SMARCA4: variants seen among roughly 807,000 people sequenced by gnomAD.
SMARCA4 encodes SWI/SNF related BAF chromatin remodeling complex subunit ATPase 4, also known as SWI/SNF-related matrix-associated actin-dependent regulator of chromatin subfamily A member 4.
Under a neutral mutation model 193.9 loss-of-function variants are expected in SMARCA4, and 31 were observed. The ratio of observed to expected loss-of-function variants is 0.16; its 90% CI spans 0.12 to 0.22. The LOEUF (loss-of-function observed/expected upper bound fraction) is 0.22. SMARCA4 is among the 10% of genes least tolerant of loss of function. The probability of loss-of-function intolerance (pLI) is 1.00; values close to 1 mark genes in which losing one functional copy is unlikely to be tolerated. For synonymous variants in SMARCA4, 942 were observed against 933.1 expected, an observed-to-expected ratio of 1.01 and a Z score of -0.17; for missense variants, 1,148 against 2,296.0, an observed-to-expected ratio of 0.50 and a Z score of 10.22.
intron 11 of SMARCA4, among the ~76,000 whole-genome samples, chr19:10,998,308 G>A (rs1294351408): frequency 6.6e-6 from 1 of 152,186 alleles, no homozygotes; most frequent in Non-Finnish European, 1.5e-5. Flanking sequence ...CTCTCAGGGT[G>A]TCATATCGAG....
At chr19:10,964,882 A>G (rs554633577) in intron 1 of SMARCA4, among the ~76,000 whole-genome samples, 1 of 151,986 alleles carries the variant, frequency 6.6e-6, no homozygotes, top group East Asian at 1.9e-4. Flanking sequence ...CGGCCTCCCA[A>G]AGTGTTGGGA....
chr19:11,043,866 G>C (rs544142089), intron 30 of SMARCA4, among the ~76,000 whole-genome samples: 12 of 152,128 alleles, frequency 7.9e-5, no homozygotes, highest in African/African-American at 2.4e-4. Flanking sequence ...TGAGCTCCCA[G>C]CTCGGGAGGC....
At chr19:11,023,391 C>A in intron 19 of SMARCA4, 127 bp from the exon 20 acceptor site, 1 of 702,960 alleles carries the variant, frequency 1.4e-6, no homozygotes, top group Non-Finnish European at 2.6e-6. Flanking sequence ...TGAAAAGCCA[C>A]GTGCCAAGGG....
rs546344913 is a variant in SMARCA4 at position 11,035,276 on chromosome 19, A to T, written c.4170+144A>T. On this transcript the variant is annotated intron_variant, in intron 29 of 34. Coordinates refer to ENST00000344626, the MANE Select transcript of SMARCA4 (RefSeq NM_003072.5). ...TGGCCAGGCTCCGCAGGCAGCCGAG[A>T]GCCTTCCGATGTGGGCCAGGGATGG... 33 of 807,424 alleles carry T rather than the reference A, an allele frequency of 4.1e-5. No individual in the cohort carries two copies. In the East Asian group the frequency reaches 8.8e-4, roughly 22 times the overall value. The allele number at this position is 807,424 out of a possible 1,614,324, so 50.0% of individuals were successfully genotyped here. A position where few individuals can be genotyped will look rare whatever the true frequency, so the allele number is the denominator to read the frequency against.
rs772658698 is a variant in SMARCA4 at position 10,984,220 on chromosome 19, C to T, written c.69C>T (p.Ser23=). 1.4e-5 allele frequency: 23 copies of T among 1,612,460 alleles called. No homozygotes were observed. Among genetic ancestry groups the T allele is most frequent in the African/African-American group, 2.7e-5 (2 of 74,916 alleles). The part of the protein sequence containing the change: ...RPGPSPGPGP[S]PGAMLGPSPG... ...GTCCTTCCCCGGGCCCTGGCCCTTC[C>T]CCTGGAGCCATGCTGGGCCCTAGCC... The change falls in exon 2 of 35, where the codon TCC becomes TCT. Residue 23 remains serine, a synonymous_variant. Transcript: ENST00000344626. The surrounding 1 kb of genome is among the most constrained non-coding windows in gnomAD (Gnocchi z 4.3).
At chr19:10,965,982 T>TC (rs2084186112) in intron 1 of SMARCA4, among the ~76,000 whole-genome samples, 1 of 140,034 alleles carries the variant, frequency 7.1e-6, no homozygotes, top group African/African-American at 2.7e-5. Flanking sequence ...TTTTTTTTTT[T>TC]TTTTTTTTTT....
chr19:11,021,614 C>A (rs752232350), intron 18 of SMARCA4, 111 bp from the exon 19 acceptor site: 20 of 1,360,850 alleles, frequency 1.5e-5, no homozygotes, highest in Non-Finnish European at 1.8e-5. Context: ...CACCCAGCTG[C>A]GCTCTTCCAC....
intron 13 of SMARCA4, 58 bp downstream of exon 13, chr19:11,003,455 C>T (rs1173684896): frequency 6.8e-7 from 1 of 1,470,602 alleles, no homozygotes; most frequent in Non-Finnish European, 9.5e-7. Flanking sequence ...GTGACTTCCA[C>T]CCTGTGTGTT....
At position 10,984,055 on chromosome 19, in the gene SMARCA4, C is replaced by T. The variant is rs1208459562; in HGVS notation, c.-31-66C>T. The T allele has an allele frequency of 2.0e-5, 25 of 1,244,202 alleles. No homozygotes were observed. Among genetic ancestry groups the T allele is most frequent in the Non-Finnish European group, 2.9e-5 (25 of 853,470 alleles). The allele number at this position is 1,244,202 out of a possible 1,614,324, so 77.1% of individuals were successfully genotyped here. On this transcript the variant is annotated intron_variant, in intron 1 of 34. Transcript: ENST00000344626. The surrounding 1 kb of genome is among the most constrained non-coding windows in gnomAD (Gnocchi z 4.3). ...ATTCTGATGTGACCGTATGATTGTCCCTTGCTATCCCTGTCCTGCCTCGCC... is the reference window on the plus strand; with the variant it reads ...ATTCTGATGTGACCGTATGATTGTCTCTTGCTATCCCTGTCCTGCCTCGCC...
At chr19:11,040,610 AT>A (rs2075549697) in intron 29 of SMARCA4, 1 of 138,874 alleles carries the variant, frequency 7.2e-6, no homozygotes, top group South Asian at 2.4e-4. Flanking sequence ...AAAAAAAAAA[AT>A]CTTAAAAAGA....
At chr19:11,022,484 T>G (rs192118657) in intron 19 of SMARCA4, among the ~76,000 whole-genome samples, 53 of 152,330 alleles carry the variant, frequency 3.5e-4, no homozygotes, top group South Asian at 8.3e-4. Flanking sequence ...CATGGCAGCA[T>G]CATCATTGAT....
chr19:10,966,596 C>G (rs553338446), intron 1 of SMARCA4, among the ~76,000 whole-genome samples: 1 of 151,766 alleles, frequency 6.6e-6, no homozygotes, highest in Non-Finnish European at 1.5e-5. Context: ...TTAAAAAAGC[C>G]GGGGGTTGGG....
At chr19:10,997,745 G>A (rs2087216769) in intron 11 of SMARCA4, among the ~76,000 whole-genome samples, 1 of 152,150 alleles carries the variant, frequency 6.6e-6, no homozygotes. Context: ...AGGATTATAG[G>A]CATGAGCCCC....
Position 11,035,171 on chromosome 19 carries a change from C to T in SMARCA4, c.4170+39C>T, listed in dbSNP as rs1345938758. On this transcript the variant is annotated intron_variant, in intron 29 of 34. Transcript: ENST00000344626. ...AGGCCCAGCAGCTGCCGCAGGCCAG[C>T]GCCAGGCAGGGCTGGGGAGACAAAG... 6 of 1,576,864 alleles carry T rather than the reference C, an allele frequency of 3.8e-6. No homozygotes were observed. The Admixed American group carries it at 5.3e-5, about 14-fold the overall frequency.
At position 11,010,261 on chromosome 19, in the gene SMARCA4, C is replaced by T. The variant is rs17616318; in HGVS notation, c.2124-120C>T. On this transcript the variant is annotated intron_variant, in intron 14 of 34. Transcript: ENST00000344626. ...TCCGGCTGCACCTCTATGTGTCTTA[C>T]AGTGCTGGCCACAGGTCATTCAGCA... The T allele has an allele frequency of 0.062, 70,193 of 1,129,000 alleles. 2,614 individuals carry two copies. The highest frequency in any genetic ancestry group is 0.1 in the South Asian group (8,309 of 80,716). The allele number at this position is 1,129,000 out of a possible 1,614,324, so 69.9% of individuals were successfully genotyped here.
In SMARCA4 at chr19:10,996,532, G is replaced by A. The variant is rs878854202; in HGVS notation, c.1800G>A (p.Gly600=). ...CAGAAGGACAGACGCCTGCCATTGG[G>A]CCGGATGGCGAGGTGAGGAAGCAGG... is the stretch of plus-strand genomic sequence containing the variant. ...ENAEGQTPAI[G]PDGEPLDETS... is the part of the protein sequence containing the mutation. The change falls in exon 11 of 35, where the codon GGG becomes GGA. Residue 600 remains glycine, a synonymous_variant. Transcript: ENST00000344626. The A allele has an allele frequency of 1.2e-6, 2 of 1,614,194 alleles. No individual in the cohort carries two copies. Among genetic ancestry groups the A allele is most frequent in the Non-Finnish European group, 1.7e-6 (2 of 1,180,008 alleles).
At position 11,058,951 on chromosome 19, in the gene SMARCA4, GC is replaced by G. The variant is rs1032922935; in HGVS notation, c.4635+66del. The G allele has an allele frequency of 1.5e-6, 2 of 1,291,612 alleles. No individual in the cohort carries two copies. Among genetic ancestry groups the G allele is most frequent in the African/African-American group, 1.5e-5 (1 of 68,442 alleles). 80.0% of individuals were successfully genotyped at this position (1,291,612 alleles called of 1,614,324 possible). A position where few individuals can be genotyped will look rare whatever the true frequency, so the allele number is the denominator to read the frequency against. ...CCACAGCTGGGCTTTGACCCAACCC[GC>G]CCCTCCTTCCCTTCTGAATTGATGG... On this transcript the variant is annotated intron_variant, in intron 32 of 34. Transcript: ENST00000344626. The surrounding 1 kb of genome is among the most constrained non-coding windows in gnomAD (Gnocchi z 5.8).
intron 24 of SMARCA4, among the ~76,000 whole-genome samples, chr19:11,028,671 G>A (rs2090430712): frequency 6.6e-6 from 1 of 152,250 alleles, no homozygotes; most frequent in East Asian, 1.9e-4. Context: ...CACCGCCTGT[G>A]TTTCTGCGCC....
intron 30 of SMARCA4, among the ~76,000 whole-genome samples, chr19:11,049,060 G>A (rs1272219828): frequency 6.6e-6 from 1 of 152,190 alleles, no homozygotes; most frequent in Non-Finnish European, 1.5e-5. Context: ...CGGCAGTGCT[G>A]GCTTCTGCTG....
Sources: gnomAD v4.1 joint callset for allele counts (sites outside exome capture counted in the v4.1 genomes callset) on GRCh38, gnomAD v4.1.1 for gene constraint, Gnocchi (gnomAD v3.1) non-coding constraint, MANE v1.5 for transcripts, NCBI Gene and HGNC (gene_info 2026-07-23, HGNC 2026-07-21) for gene names.